Variants in ERG observed in about 807,000 individuals in gnomAD.
ERG encodes the protein transcriptional regulator ERG.
Under a neutral mutation model 55.3 loss-of-function variants are expected in ERG, and 9 were observed. That is an observed-to-expected ratio of 0.16 (90% confidence interval 0.10 to 0.28). The LOEUF is 0.28. Ranked by LOEUF, ERG falls within the 10% of genes least tolerant of loss-of-function variation. ERG has a pLI of 1.00. For synonymous variants in ERG, 223 were observed against 237.3 expected, an observed-to-expected ratio of 0.94 and a Z score of 0.55; for missense variants, 434 against 631.6, an observed-to-expected ratio of 0.69 and a Z score of 3.35.
chr21:38,575,376 C>A (rs954426355), intron 2 of ERG, among the ~76,000 whole-genome samples: 32 of 152,076 alleles, frequency 2.1e-4, no homozygotes, highest in Non-Finnish European at 4.0e-4. Context: ...CTCAACTGTG[C>A]CATTATGGAG....
At chr21:38,483,992 A>C (rs931542606) in intron 1 of ERG, among the ~76,000 whole-genome samples, 1 of 152,254 alleles carries the variant, frequency 6.6e-6, no homozygotes. Context: ...TTCATTTATG[A>C]AATGGACATT....
At chr21:38,563,642 CT>C (rs1164933170) in intron 2 of ERG, among the ~76,000 whole-genome samples, 1 of 152,234 alleles carries the variant, frequency 6.6e-6, no homozygotes, top group Non-Finnish European at 1.5e-5. Context: ...CTGAATCACT[CT>C]TGTTTCATTG....
At chr21:38,433,179 T>G (rs1043148460) in intron 2 of ERG, among the ~76,000 whole-genome samples, 1 of 152,188 alleles carries the variant, frequency 6.6e-6, no homozygotes, top group Non-Finnish European at 1.5e-5. Flanking sequence ...GCAGGGTGCA[T>G]GTTTTACACA....
chr21:38,402,708 C>G (rs2146453966), intron 4 of ERG, 71 bp from the exon 5 acceptor site: 1 of 328,816 alleles, frequency 3.0e-6, no homozygotes. Flanking sequence ...AATTACCTTT[C>G]TTACAAAAAA....
intron 1 of ERG, among the ~76,000 whole-genome samples, chr21:38,479,273 T>TGGCACTGGGAGATATCAC (rs2059215995): frequency 6.6e-6 from 1 of 152,160 alleles, no homozygotes; most frequent in African/African-American, 2.4e-5. Flanking sequence ...ACCTGGTCTG[T>TGGCACTGGGAGATATCAC]TGGGAGATAT....
chr21:38,657,945 A>C (rs1318936519), intron 1 of ERG, among the ~76,000 whole-genome samples: 1 of 152,198 alleles, frequency 6.6e-6, no homozygotes, highest in African/African-American at 2.4e-5. Context: ...GCCACTAAGT[A>C]CCATAATCAT....
intron 2 of ERG, among the ~76,000 whole-genome samples, chr21:38,567,564 T>C (rs1047787123): frequency 6.6e-6 from 1 of 152,228 alleles, no homozygotes; most frequent in East Asian, 1.9e-4. Context: ...ATCAGCTTCA[T>C]AGTAGACAGA....
At chr21:38,595,153 G>A (rs2060123592) in intron 1 of ERG, among the ~76,000 whole-genome samples, 1 of 152,118 alleles carries the variant, frequency 6.6e-6, no homozygotes, top group South Asian at 2.1e-4. Context: ...TAGGAAGTCC[G>A]AACCTTGTTG....
chr21:38,536,413 T>C (rs2059710895), intron 2 of ERG, among the ~76,000 whole-genome samples: 1 of 152,196 alleles, frequency 6.6e-6, no homozygotes, highest in Non-Finnish European at 1.5e-5. Flanking sequence ...TTTATCTACC[T>C]TGAGGACTCC....
chr21:38,620,164 A>G (rs2060281794), intron 1 of ERG, among the ~76,000 whole-genome samples: 1 of 152,242 alleles, frequency 6.6e-6, no homozygotes, highest in East Asian at 1.9e-4. Context: ...TTTCTTCAGC[A>G]TAAGCTAGTG....
At chr21:38,506,062 A>G (rs1024084904) in intron 2 of ERG, among the ~76,000 whole-genome samples, 3 of 152,206 alleles carry the variant, frequency 2.0e-5, no homozygotes, top group Admixed American at 2.0e-4. Flanking sequence ...ATTATAGAAC[A>G]TAAAGAAATA....
At chr21:38,429,408 T>C (rs115463216) in intron 2 of ERG, among the ~76,000 whole-genome samples, 3,233 of 115,230 alleles carry the variant, frequency 0.028, 614 homozygotes, top group African/African-American at 0.033. Flanking sequence ...CACATGTACA[T>C]ACGCACATAT....
At chr21:38,593,442 T>C (rs552176631) in intron 1 of ERG, among the ~76,000 whole-genome samples, 1 of 152,362 alleles carries the variant, frequency 6.6e-6, no homozygotes, top group Non-Finnish European at 1.5e-5. Context: ...ACAAGCATTA[T>C]GTATTTCTAA....
intron 1 of ERG, among the ~76,000 whole-genome samples, chr21:38,483,005 A>T (rs2059251533): frequency 6.6e-6 from 1 of 152,196 alleles, no homozygotes. Flanking sequence ...AGATTCTGCC[A>T]ATTGCCACAT....
chr21:38,373,378 G>C, the ERG span, among the ~76,000 whole-genome samples: 2 of 152,156 alleles, frequency 1.3e-5, no homozygotes, highest in African/African-American at 4.8e-5. Context: ...TCTACCTTGG[G>C]CTTGAGGGTG....
intron 1 of ERG, among the ~76,000 whole-genome samples, chr21:38,633,514 A>G (rs948968460): frequency 6.6e-6 from 1 of 152,222 alleles, no homozygotes; most frequent in Admixed American, 6.5e-5. Context: ...CTCAAATGTC[A>G]TCGTTATCAA....
intron 2 of ERG, among the ~76,000 whole-genome samples, chr21:38,434,963 C>T (rs928724): frequency 0.83 from 127,028 of 152,198 alleles, 53,174 homozygotes; most frequent in East Asian, 0.96. Context: ...CATGCAACTG[C>T]TTTTTGGAAT....
chr21:38,459,741 T>C lies in ERG; in HGVS notation c.19-14120A>G, dbSNP rs540357088. ...AGGAATAAGAATATTCTCTTAGTCA[T>C]AAGTTCAACAAATATGTACTGAACA... On this transcript the variant is annotated intron_variant, in intron 1 of 9. Coordinates refer to ENST00000288319, the MANE Select transcript of ERG (RefSeq NM_182918.4). Among the ~76,000 whole-genome samples, 3 of 152,302 alleles carry C rather than the reference T, an allele frequency of 2.0e-5. No homozygotes were observed. In the South Asian group the frequency reaches 6.2e-4, roughly 32 times the overall value.
rs2059686958 is a variant in ERG at position 38,533,465 on chromosome 21, G to A, written c.-41+42197C>T. On this transcript the variant is annotated intron_variant, in intron 2 of 8. Transcript: ENST00000398897. ...TTCAATCCTCTAAAATGAAGGTTTT[G>A]AAGATGCTTGCCAATGGAACGTTGT... Among the ~76,000 whole-genome samples the A allele has an allele frequency of 3.3e-5, 5 of 152,150 alleles. 1 individual carries two copies. In the South Asian group the frequency reaches 1.0e-3, roughly 32 times the overall value.
Sources: allele counts gnomAD v4.1 joint callset (sites outside exome capture counted in the v4.1 genomes callset), GRCh38; gene constraint gnomAD v4.1.1; transcripts MANE v1.5; gene names NCBI Gene and HGNC (gene_info 2026-07-23, HGNC 2026-07-21).